The following STARD9 variants were observed in gnomAD, a reference collection of about 807,000 sequenced individuals.
STARD9 encodes stAR-related lipid transfer protein 9.
In STARD9, 346 loss-of-function variants were observed where a neutral mutation model predicts 399.8. The ratio of observed to expected loss-of-function variants is 0.87; its 90% CI spans 0.79 to 0.95. STARD9 has a LOEUF of 0.95. STARD9 is among the 40% of genes least tolerant of loss of function. STARD9 has a pLI of 0.00. For synonymous variants in STARD9, 2,203 were observed against 2,143.5 expected (o/e 1.03, Z -0.77); for missense variants, 5,832 against 5,667.5 (o/e 1.03, Z -0.93).
intron 3 of STARD9, among the ~76,000 whole-genome samples, chr15:42,589,885 G>T (rs193064675): frequency 6.6e-6 from 1 of 150,948 alleles, no homozygotes; most frequent in Admixed American, 6.6e-5. Flanking sequence ...GATTACAGGC[G>T]TGAGCCACCA....
Position 42,694,130 on chromosome 15 carries a change from C to T in STARD9, c.12552C>T (p.Asp4184=), listed in dbSNP as rs1270111867. 1 of 1,536,766 alleles carries T rather than the reference C, an allele frequency of 6.5e-7. No individual in the cohort carries two copies. Among genetic ancestry groups the T allele is most frequent in the Non-Finnish European group, 8.7e-7 (1 of 1,146,704 alleles). The part of the protein sequence containing the change: ...QEQSPPQPPN[D]HSQDSEWSKR... ...AGAGTCCCCCACAACCTCCTAATGACCACAGCCAGGATTCTGAGTGGTCCA... is the reference window on the plus strand; with the variant it reads ...AGAGTCCCCCACAACCTCCTAATGATCACAGCCAGGATTCTGAGTGGTCCA... The change falls in exon 23 of 33, where the codon GAC becomes GAT. Residue 4184 remains aspartate, a synonymous_variant. Coordinates refer to ENST00000290607, the MANE Select transcript of STARD9 (RefSeq NM_020759.3).
intron 3 of STARD9, among the ~76,000 whole-genome samples, chr15:42,592,724 G>T (rs1750615306): frequency 6.6e-6 from 1 of 152,134 alleles, no homozygotes; most frequent in Non-Finnish European, 1.5e-5. Context: ...GATTACAGGC[G>T]TGAGCCACCA....
rs1290331176 is a variant in STARD9, at chr15:42,663,338, G to A, written c.926G>A (p.Gly309Asp). 1 of 1,537,206 alleles carries A rather than the reference G, an allele frequency of 6.5e-7. No homozygotes were observed. The highest frequency in any genetic ancestry group is 8.7e-7 in the Non-Finnish European group (1 of 1,146,924). Residue 309 changes from glycine to aspartate, a missense_variant, in exon 12 of 33, where the codon GGT becomes GAT. By Grantham distance (94) the Gly-to-Asp change is moderately conservative. Coordinates refer to ENST00000290607, the MANE Select transcript of STARD9 (RefSeq NM_020759.3). ...CQSLNSSVSN[G>D]GDSGILSSPS... ...AGCCTCAACAGCTCAGTCAGCAATGGTGGTGACAGTGGGATCCTTAGCTCT... is the reference window on the plus strand; with the variant it reads ...AGCCTCAACAGCTCAGTCAGCAATGATGGTGACAGTGGGATCCTTAGCTCT...
intron 7 of STARD9, among the ~76,000 whole-genome samples, chr15:42,644,201 T>C (rs2059600681): frequency 6.6e-6 from 1 of 152,226 alleles, no homozygotes; most frequent in Non-Finnish European, 1.5e-5. Flanking sequence ...GTATTAAAAA[T>C]GTACATACTT....
chr15:42,700,907 A>G (rs2136900), intron 26 of STARD9, among the ~76,000 whole-genome samples: 39,491 of 152,044 alleles, frequency 0.26, 5,844 homozygotes, highest in African/African-American at 0.39. Flanking sequence ...TTTCTGGTGT[A>G]AGATTTAAGT....
At chr15:42,716,511 A>G (rs1401236697) in intron 26 of STARD9, among the ~76,000 whole-genome samples, 166 bp from the exon 27 acceptor site, 1 of 152,096 alleles carries the variant, frequency 6.6e-6, no homozygotes, top group Non-Finnish European at 1.5e-5. Context: ...ACCTATTTCT[A>G]TTGCTGTGGT....
intron 9 of STARD9, 120 bp from the exon 10 acceptor site, chr15:42,661,038 A>G: frequency 1.5e-6 from 1 of 687,984 alleles, no homozygotes; most frequent in Non-Finnish European, 2.5e-6. Context: ...TCACATTAGA[A>G]TACAGATTTG....
Position 42,669,439 on chromosome 15 carries a change from A to G in STARD9, c.1497+102A>G. 3.7e-6 allele frequency: 4 copies of G among 1,087,994 alleles called. No homozygotes were observed. In the East Asian group the frequency reaches 7.9e-5, roughly 21 times the overall value. 67.4% of individuals were successfully genotyped at this position (1,087,994 alleles called of 1,614,324 possible). ...GCCATGTTACTGTGAATTGAAATCA[A>G]GACAGATGCTACAGAGCTGCCTTCA... On this transcript the variant is annotated intron_variant, in intron 16 of 32. Transcript: ENST00000290607.
intron 3 of STARD9, among the ~76,000 whole-genome samples, chr15:42,618,674 G>A (rs567445715): frequency 1.4e-4 from 21 of 151,052 alleles, no homozygotes; most frequent in Non-Finnish European, 2.5e-4. Flanking sequence ...TCGGCTCACC[G>A]CAACCTCTGC....
In STARD9 at chr15:42,690,568, C is replaced by G; in HGVS notation, c.8990C>G (p.Pro2997Arg). Residue 2997 changes from proline (P) to arginine (R), a missense_variant, in exon 23 of 33, where the codon CCC (proline) becomes CGC (arginine). By Grantham distance (103) the Pro-to-Arg change is moderately radical (BLOSUM62 -2). Coordinates refer to ENST00000290607, the MANE Select transcript of STARD9 (RefSeq NM_020759.3). ...FKAAPHTIHP[P>R]CVVPSRAYEM... ...GCTGCCCCACATACTATCCACCCAC[C>G]CTGTGTAGTACCTTCCAGGGCCTAT... is the stretch of plus-strand genomic sequence containing the variant. 1 of 1,537,182 alleles carries G rather than the reference C, an allele frequency of 6.5e-7. No individual in the cohort carries two copies. The highest frequency in any genetic ancestry group is 1.2e-5 in the South Asian group (1 of 84,062).
chr15:42,653,278 C>G (rs916196707), intron 9 of STARD9, among the ~76,000 whole-genome samples: 3 of 152,032 alleles, frequency 2.0e-5, no homozygotes, highest in African/African-American at 7.3e-5. Context: ...AGTCATATCC[C>G]CAAAAAGCAA....
intron 9 of STARD9, among the ~76,000 whole-genome samples, chr15:42,660,493 G>A (rs2059972116): frequency 6.6e-6 from 1 of 151,698 alleles, no homozygotes; most frequent in Non-Finnish European, 1.5e-5. Context: ...GAACTTGGGA[G>A]GCCAGAGGTT....
Position 42,652,509 on chromosome 15 carries a change from T to C in STARD9, c.630-11T>C. 1 of 1,537,144 alleles carries C rather than the reference T, an allele frequency of 6.5e-7. No individual in the cohort carries two copies. The highest frequency in any genetic ancestry group is 8.7e-7 in the Non-Finnish European group (1 of 1,146,718). ...AATCCTCGTCCTAACAGTTTTTCCT[T>C]GTATACACAGAATCACAGCAGCCAC... On this transcript the variant is annotated splice_polypyrimidine_tract_variant and intron_variant, in intron 8 of 32. Transcript: ENST00000290607.
Position 42,690,955 on chromosome 15 carries a change from A to AG in STARD9, c.9379dup (p.Val3127GlyfsTer22), listed in dbSNP as rs1167391955. The AG allele has an allele frequency of 6.5e-7, 1 of 1,537,234 alleles. No individual in the cohort carries two copies. The highest frequency in any genetic ancestry group is 8.7e-7 in the Non-Finnish European group (1 of 1,146,920). On this transcript the variant is annotated frameshift_variant, in exon 23 of 33. Coordinates refer to ENST00000290607, the MANE Select transcript of STARD9 (RefSeq NM_020759.3). LOFTEE classifies it high-confidence loss of function. The stretch of plus-strand genomic sequence containing the variant: ...AGCTCTGTAGGTGACCAGAATGCAC[A>AG]GGTGTGTCAAACCAATCCAGAACCA...
Position 42,684,398 on chromosome 15 carries a change from G to A in STARD9, c.2820G>A (p.Gln940=), listed in dbSNP as rs1595765777. The A allele has an allele frequency of 9.8e-6, 15 of 1,537,032 alleles. No individual in the cohort carries two copies. In the East Asian group the frequency reaches 3.7e-4, roughly 38 times the overall value. ...GIQEMEMGVK[Q]PHQMVSQGLA... ...AGGAAATGGAGATGGGGGTTAAGCA[G>A]CCCCATCAGATGGTGAGCCAGGGCT... The change falls in exon 23 of 33, where the codon CAG becomes CAA. Residue 940 remains glutamine, a synonymous_variant. Transcript: ENST00000290607.
At position 42,575,616 on chromosome 15, in the gene STARD9, G is replaced by T. The variant is rs2058035205; in HGVS notation, c.-100G>T. On this transcript the variant is annotated 5_prime_UTR_variant, in exon 1 of 33. Coordinates refer to ENST00000290607, the MANE Select transcript of STARD9 (RefSeq NM_020759.3). ...CGCGGCGGCGTCCCCAGAGGCGCGT[G>T]GGGCGGGCGGGGCTGGGTTGGGGCT... 3 of 1,330,522 alleles carry T rather than the reference G, an allele frequency of 2.3e-6. No homozygotes were observed. In the Admixed American group the frequency reaches 6.5e-5, roughly 29 times the overall value. 82.4% of individuals were successfully genotyped at this position (1,330,522 alleles called of 1,614,324 possible). A position where few individuals can be genotyped will look rare whatever the true frequency, so the allele number is the denominator to read the frequency against.
intron 9 of STARD9, among the ~76,000 whole-genome samples, chr15:42,656,137 C>T (rs926821427): frequency 2.0e-5 from 3 of 151,898 alleles, no homozygotes; most frequent in Non-Finnish European, 4.4e-5. Flanking sequence ...AGGTGGATCA[C>T]CTGAGGTCAG....
intron 3 of STARD9, among the ~76,000 whole-genome samples, chr15:42,621,437 T>C (rs900568077): frequency 6.6e-6 from 1 of 152,204 alleles, no homozygotes; most frequent in Non-Finnish European, 1.5e-5. Flanking sequence ...CAGAGCTTAA[T>C]TGAGCAAAGA....
At chr15:42,666,018 A>G (rs34603230) in intron 15 of STARD9, among the ~76,000 whole-genome samples, 170 bp downstream of exon 15, 36,885 of 152,010 alleles carry the variant, frequency 0.24, 5,181 homozygotes, top group African/African-American at 0.38. Context: ...GCCTAGGGGG[A>G]CTGTTAATGG....
Sources: gnomAD v4.1 joint callset for allele counts (sites outside exome capture counted in the v4.1 genomes callset) on GRCh38, gnomAD v4.1.1 for gene constraint, MANE v1.5 for transcripts, NCBI Gene and HGNC (gene_info 2026-07-23, HGNC 2026-07-21) for gene names.